AXIN1: variants seen among roughly 807,000 people sequenced by gnomAD.
AXIN1 encodes axin 1, also known as axin-1.
In AXIN1, 30 loss-of-function variants were observed where a neutral mutation model predicts 76.4. The observed-to-expected ratio is 0.39, with a 90% CI of 0.29 to 0.53. The LOEUF (loss-of-function observed/expected upper bound fraction) is 0.53. Among genes scored for constraint, AXIN1 ranks in the 20% least tolerant of loss-of-function variants. The pLI is 0.66. For missense variants in AXIN1, 1,140 were observed against 1,198.8 expected (o/e 0.95, Z 0.72); for synonymous variants, 545 against 501.4 (o/e 1.09, Z -1.16).
intron 4 of AXIN1, among the ~76,000 whole-genome samples, chr16:304,700 A>G (rs183633421): frequency 1.5e-3 from 227 of 151,984 alleles, no homozygotes; most frequent in African/African-American, 5.3e-3. Flanking sequence ...ACGCCTGGCT[A>G]ATTTTTGTAT....
rs202238031 is a variant in AXIN1 at position 346,631 on chromosome 16, G to C, written c.395C>G (p.Ser132Trp). 2.5e-6 allele frequency: 4 copies of C among 1,585,434 alleles called. No homozygotes were observed. The highest frequency in any genetic ancestry group is 1.4e-5 in the African/African-American group (1 of 73,882). Residue 132 changes from serine to tryptophan, a missense_variant, in exon 2 of 11, where the codon TCG becomes TGG. Transcript: ENST00000262320. ...CAGCTTCAGCCTCTTCTCCTCGTTCGAGTCACAGGGCTCCAGCTTCCTGAA... is the reference window on the plus strand; with the variant it reads ...CAGCTTCAGCCTCTTCTCCTCGTTCCAGTCACAGGGCTCCAGCTTCCTGAA... ...TGFRKLEPCD[S>W]NEEKRLKLAR...
chr16:324,583 T>C (rs1193969655), intron 2 of AXIN1, among the ~76,000 whole-genome samples: 6 of 152,210 alleles, frequency 3.9e-5, no homozygotes, highest in East Asian at 1.9e-4. Context: ...AGGTGGTCAG[T>C]AGGCGCTTCC....
chr16:312,855 A>G (rs2053214000), intron 3 of AXIN1, among the ~76,000 whole-genome samples: 2 of 152,230 alleles, frequency 1.3e-5, no homozygotes, highest in Non-Finnish European at 2.9e-5. Context: ...CTCATCTGAA[A>G]TTCAGGTTTT....
chr16:350,521 CCTACGTGT>C (rs1369957489), intron 1 of AXIN1, among the ~76,000 whole-genome samples: 2 of 152,172 alleles, frequency 1.3e-5, no homozygotes. Flanking sequence ...CTCAATGCTA[CCTACGTGT>C]GTAGGTATTT....
intron 2 of AXIN1, among the ~76,000 whole-genome samples, chr16:343,708 A>C (rs908228552): frequency 6.7e-6 from 1 of 149,766 alleles, no homozygotes; most frequent in African/African-American, 2.5e-5. Flanking sequence ...ATCTCAAACA[A>C]AAAAACAAGC....
intron 4 of AXIN1, among the ~76,000 whole-genome samples, chr16:305,842 C>T (rs953175176): frequency 1.3e-5 from 2 of 148,988 alleles, no homozygotes; most frequent in Non-Finnish European, 2.9e-5. Context: ...CTGCACCCGG[C>T]CCCCCTATAG....
At chr16:299,084 G>A (rs1442473424) in intron 5 of AXIN1, 1 of 985,226 alleles carries the variant, frequency 1.0e-6, no homozygotes, top group African/African-American at 1.7e-5. Flanking sequence ...ATATTTTAAG[G>A]AGAACCTTGT....
At chr16:295,827 C>T (rs1038688278) in intron 7 of AXIN1, among the ~76,000 whole-genome samples, 4 of 152,134 alleles carry the variant, frequency 2.6e-5, no homozygotes, top group South Asian at 2.1e-4. Flanking sequence ...ATCAGCCGGG[C>T]GTGGTGGCTC....
Position 346,171 on chromosome 16 carries a change from C to A in AXIN1, c.855G>T (p.Arg285=), listed in dbSNP as rs779554451. Residue 285 remains arginine, a synonymous_variant, in exon 2 of 11, where the codon CGG becomes CGT. Coordinates refer to ENST00000262320, the MANE Select transcript of AXIN1 (RefSeq NM_003502.4). The stretch of plus-strand genomic sequence containing the variant: ...ACCTGAACTCTCTGCCTTCGCTGTA[C>A]CGTCTACTGGAGGAGACCCTCGGGG... ...TAAPRVSSSR[R]YSEGREFRYG... is the part of the protein sequence containing the mutation. 6 of 1,613,850 alleles carry A rather than the reference C, an allele frequency of 3.7e-6. No individual in the cohort carries two copies. Among genetic ancestry groups the A allele is most frequent in the Non-Finnish European group, 5.1e-6 (6 of 1,180,030 alleles).
At chr16:304,521 G>A (rs2052965769) in intron 4 of AXIN1, 80 bp from the exon 5 acceptor site, 3 of 1,593,808 alleles carry the variant, frequency 1.9e-6, no homozygotes, top group African/African-American at 2.7e-5. Flanking sequence ...AAGAGCGTGT[G>A]CTATCTCTGT....
chr16:323,247 G>A (rs2053498297), intron 2 of AXIN1, among the ~76,000 whole-genome samples: 1 of 151,964 alleles, frequency 6.6e-6, no homozygotes, highest in Admixed American at 6.6e-5. Flanking sequence ...AGACCCTCCT[G>A]GCTAACACGG....
In AXIN1 at chr16:346,905, T is replaced by C; in HGVS notation, c.121A>G (p.Ser41Gly). The C allele has an allele frequency of 1.2e-6, 2 of 1,613,838 alleles. No individual in the cohort carries two copies. ...ELVSTDPRPA[S>G]YSFCSGKGVG... ...CCTTTCCCGGAGCAGAAACTGTAGC[T>C]GGCGGGCCTCGGGTCTGTGGACACC... Residue 41 changes from serine (S) to glycine (G), a missense_variant, in exon 2 of 11, where the codon AGC becomes GGC. Ser to Gly is a moderately conservative substitution (Grantham distance 56, BLOSUM62 0). Coordinates refer to ENST00000262320, the MANE Select transcript of AXIN1 (RefSeq NM_003502.4).
chr16:326,392 T>TAC (rs1555483822), intron 2 of AXIN1, among the ~76,000 whole-genome samples: 11 of 111,888 alleles, frequency 9.8e-5, no homozygotes, highest in African/African-American at 3.8e-4. Context: ...TATATATATA[T>TAC]ATACACACCT....
Position 352,516 on chromosome 16 carries a change from G to T in AXIN1, c.-229C>A, listed in dbSNP as rs2054168318. On this transcript the variant is annotated 5_prime_UTR_variant, in exon 1 of 11. Transcript: ENST00000262320. ...CCCATCTCGGCGGCTGCGGCTCGGCGGCCCGGAGGCGGACGCGGGGCAGGC... is the reference window on the plus strand; with the variant it reads ...CCCATCTCGGCGGCTGCGGCTCGGCTGCCCGGAGGCGGACGCGGGGCAGGC... 1.3e-6 allele frequency: 1 copy of T among 744,392 alleles called. No individual in the cohort carries two copies. The highest frequency in any genetic ancestry group is 1.6e-6 in the Non-Finnish European group (1 of 612,922). 46.1% of individuals were successfully genotyped at this position (744,392 alleles called of 1,614,324 possible).
At chr16:333,873 C>T (rs961099378) in intron 2 of AXIN1, among the ~76,000 whole-genome samples, 4 of 139,346 alleles carry the variant, frequency 2.9e-5, no homozygotes, top group African/African-American at 1.1e-4. Flanking sequence ...CACCCAATAC[C>T]ACAGCACACC....
At chr16:292,582 G>A (rs1196797056) in intron 8 of AXIN1, 1 of 152,250 alleles carries the variant, frequency 6.6e-6, no homozygotes, top group Non-Finnish European at 1.5e-5. Context: ...AAGGTGGACA[G>A]GAGGAGCTGG....
At position 288,092 on chromosome 16, in the gene AXIN1, G is replaced by A. The variant is rs780336231; in HGVS notation, c.*30C>T. On this transcript the variant is annotated 3_prime_UTR_variant, in exon 11 of 11. Transcript: ENST00000262320. ...GACACCCGTGCCCGCCAAGGGCCTC[G>A]CCTGGCACAGCGGCCAGCCCACCAG... is the stretch of plus-strand genomic sequence containing the variant. 2.2e-5 allele frequency: 36 copies of A among 1,612,652 alleles called. No homozygotes were observed. Among genetic ancestry groups the A allele is most frequent in the Non-Finnish European group, 2.8e-5 (33 of 1,179,992 alleles).
chr16:331,386 G>A (rs1278225906), intron 2 of AXIN1, among the ~76,000 whole-genome samples: 3 of 152,162 alleles, frequency 2.0e-5, no homozygotes, highest in Admixed American at 6.5e-5. Flanking sequence ...GCTCATGGAC[G>A]TCCCTAACAC....
chr16:297,880 G>A lies in AXIN1; in HGVS notation c.1626C>T (p.Ser542=), dbSNP rs2141510863. The change falls in exon 6 of 11, where the codon AGC becomes AGT. Residue 542 remains serine, a synonymous_variant. Transcript: ENST00000262320. ...CCACCTGCTCCTTGGGCCGGGCTGT[G>A]CTGTGGTGGACGTGGTGGTGGACGT... ...HRHVHHHVHH[S]TARPKEQVEA... 6.3e-7 allele frequency: 1 copy of A among 1,590,088 alleles called. No individual in the cohort carries two copies. The highest frequency in any genetic ancestry group is 8.6e-7 in the Non-Finnish European group (1 of 1,167,240).
Sources: allele counts gnomAD v4.1 joint callset (sites outside exome capture counted in the v4.1 genomes callset), GRCh38; gene constraint gnomAD v4.1.1; transcripts MANE v1.5; gene names NCBI Gene and HGNC (gene_info 2026-07-23, HGNC 2026-07-21).